The following ERO1B variants were observed in gnomAD, a reference collection of about 807,000 sequenced individuals.
ERO1B encodes the protein ERO1-like protein beta.
ERO1B carries 49 observed loss-of-function variants against 75.3 expected under a neutral mutation model. That is an observed-to-expected ratio of 0.65 (90% CI 0.52 to 0.83). ERO1B has a LOEUF of 0.83. Among genes scored for constraint, ERO1B ranks in the 40% least tolerant of loss-of-function variants. The pLI, the probability that ERO1B is intolerant of heterozygous loss-of-function variation, is 0.00. For missense variants in ERO1B, 512 were observed against 560.1 expected, an observed-to-expected ratio of 0.91 and a Z score of 0.87; for synonymous variants, 191 against 192.9, an observed-to-expected ratio of 0.99 and a Z score of 0.08.
Position 236,237,631 on chromosome 1 carries a change from C to T in ERO1B, c.506-1233G>A, listed in dbSNP as rs909045528. On this transcript the variant is annotated intron_variant, in intron 6 of 15. Coordinates refer to ENST00000354619, the MANE Select transcript of ERO1B (RefSeq NM_019891.4). ...ATTCCTTTATTTATATGCTTACTAC[C>T]GTTTGTTGTCATGAATTTAAACAAT... Among the ~76,000 whole-genome samples, 6 of 152,078 alleles carry T rather than the reference C, an allele frequency of 3.9e-5. No individual in the cohort carries two copies. The South Asian group carries it at 6.2e-4, about 16-fold the overall frequency.
chr1:236,242,402 T>C (rs753897014), intron 6 of ERO1B, among the ~76,000 whole-genome samples: 2 of 152,140 alleles, frequency 1.3e-5, no homozygotes, highest in Non-Finnish European at 2.9e-5. Context: ...CTCTATATCA[T>C]AGAGAGGACA....
At position 236,249,742 on chromosome 1, in the gene ERO1B, G is replaced by A. The variant is rs12405622; in HGVS notation, c.431+143C>T. Reference sequence around the variant, plus strand: ...AGAGGCAAAGCTATTATGAAATTTAGGATAAAGAAAAACTTTTTCTTCCTT... The same window carrying A: ...AGAGGCAAAGCTATTATGAAATTTAAGATAAAGAAAAACTTTTTCTTCCTT... On this transcript the variant is annotated intron_variant, in intron 5 of 15. Transcript: ENST00000354619. The A allele has an allele frequency of 7.2e-6, 4 of 557,378 alleles. No individual in the cohort carries two copies. The East Asian group carries it at 1.3e-4, about 18-fold the overall frequency. The allele number at this position is 557,378 out of a possible 1,614,324, so 34.5% of individuals were successfully genotyped here.
At chr1:236,239,925 C>A (rs1390012374) in intron 6 of ERO1B, among the ~76,000 whole-genome samples, 1 of 93,222 alleles carries the variant, frequency 1.1e-5, no homozygotes, top group Non-Finnish European at 2.1e-5. Flanking sequence ...TTTTTTTTTG[C>A]GATGAGGCTG....
intron 2 of ERO1B, among the ~76,000 whole-genome samples, chr1:236,268,704 G>GT (rs1420105156): frequency 2.0e-5 from 3 of 151,552 alleles, no homozygotes; most frequent in Admixed American, 6.6e-5. Flanking sequence ...GGCTAACATG[G>GT]TGAAACCCCG....
rs1308086430 is a variant in ERO1B, at chr1:236,215,996, A to G, written c.*2520T>C. 6.6e-6 allele frequency: 1 copy of G among 152,198 alleles called. No individual in the cohort carries two copies. The allele number at this position is 152,198 out of a possible 1,614,324, so 9.4% of individuals were successfully genotyped here. A position where few individuals can be genotyped will look rare whatever the true frequency, so the allele number is the denominator to read the frequency against. ...AAAACGTTTTGACTTATCAAATTTCAAAAGTGTGGAGTCTTATTCTGTCTG... is the reference window on the plus strand; with the variant it reads ...AAAACGTTTTGACTTATCAAATTTCGAAAGTGTGGAGTCTTATTCTGTCTG... On this transcript the variant is annotated 3_prime_UTR_variant, in exon 16 of 16. Coordinates refer to ENST00000354619, the MANE Select transcript of ERO1B (RefSeq NM_019891.4).
At chr1:236,275,873 C>G (rs1324475419) in intron 1 of ERO1B, among the ~76,000 whole-genome samples, 1 of 152,066 alleles carries the variant, frequency 6.6e-6, no homozygotes, top group Admixed American at 6.5e-5. Context: ...AGACAGGAAG[C>G]CAATGGGGAG....
At chr1:236,274,804 AG>A (rs1323040541) in intron 1 of ERO1B, among the ~76,000 whole-genome samples, 2 of 152,304 alleles carry the variant, frequency 1.3e-5, no homozygotes, top group African/African-American at 4.8e-5. Context: ...CATAGGGAAA[AG>A]GGGGTGCAAA....
chr1:236,258,743 G>T (rs1665224744), intron 2 of ERO1B, among the ~76,000 whole-genome samples: 1 of 152,070 alleles, frequency 6.6e-6, no homozygotes, highest in African/African-American at 2.4e-5. Flanking sequence ...ACAAAAATTA[G>T]CTGGGTGTGC....
At chr1:236,260,124 G>C (rs1245309336) in intron 2 of ERO1B, among the ~76,000 whole-genome samples, 1 of 151,826 alleles carries the variant, frequency 6.6e-6, no homozygotes, top group Non-Finnish European at 1.5e-5. Flanking sequence ...CCTTTAGCTA[G>C]ATTAACAAAG....
chr1:236,235,484 C>T (rs1204455985), intron 8 of ERO1B, among the ~76,000 whole-genome samples: 1 of 152,164 alleles, frequency 6.6e-6, no homozygotes, highest in African/African-American at 2.4e-5. Flanking sequence ...CCTGAGCAAC[C>T]AGATTTTTTA....
At chr1:236,266,087 GTTT>G (rs1375000043) in intron 2 of ERO1B, among the ~76,000 whole-genome samples, 1 of 151,996 alleles carries the variant, frequency 6.6e-6, no homozygotes, top group East Asian at 1.9e-4. Flanking sequence ...CTTGTTTATT[GTTT>G]GTCTCTCTTA....
intron 2 of ERO1B, among the ~76,000 whole-genome samples, chr1:236,266,420 A>G (rs1464603220): frequency 1.3e-5 from 2 of 152,198 alleles, no homozygotes; most frequent in Non-Finnish European, 2.9e-5. Flanking sequence ...CCTGGCCAAC[A>G]TGGTGAAACC....
At position 236,216,734 on chromosome 1, in the gene ERO1B, G is replaced by C. The variant is rs1262857393; in HGVS notation, c.*1782C>G. 6.6e-6 allele frequency: 1 copy of C among 152,000 alleles called. No individual in the cohort carries two copies. The highest frequency in any genetic ancestry group is 1.5e-5 in the Non-Finnish European group (1 of 67,936). 9.4% of individuals were successfully genotyped at this position (152,000 alleles called of 1,614,324 possible). ...ACTATCAAAAAGTTCTTTACATTTA[G>C]AGTGATAAACAAAGTGCAGATTTTT... On this transcript the variant is annotated 3_prime_UTR_variant, in exon 16 of 16. Coordinates refer to ENST00000354619, the MANE Select transcript of ERO1B (RefSeq NM_019891.4).
chr1:236,281,601 C>CCGGCCCTCT (rs1665831764), intron 1 of ERO1B, 81 bp downstream of exon 1: 15 of 1,080,200 alleles, frequency 1.4e-5, no homozygotes, highest in African/African-American at 3.3e-5. Context: ...CCCGGCCCTC[C>CCGGCCCTCT]CCGCGTCACA....
intron 13 of ERO1B, 138 bp downstream of exon 13, chr1:236,224,932 C>T: frequency 1.3e-6 from 1 of 745,182 alleles, no homozygotes; most frequent in Non-Finnish European, 2.3e-6. Context: ...GCTTTTTGTA[C>T]CATTTGTATT....
Position 236,225,076 on chromosome 1 carries a change from T to C in ERO1B, c.1116A>G (p.Ser372=). 1 of 1,614,050 alleles carries C rather than the reference T, an allele frequency of 6.2e-7. No homozygotes were observed. Among genetic ancestry groups the C allele is most frequent in the Non-Finnish European group, 8.5e-7 (1 of 1,179,914 alleles). The change falls in exon 13 of 16, where the codon TCA becomes TCG. Residue 372 remains serine (S), a synonymous_variant. Transcript: ENST00000354619. ...CCAATCGAGAACTTTTTACCTTTAG[T>C]GACTTGGCCCCTTTTTTGTCACCTG... ...MFAGDKKGAK[S]LKEEFRLHFK...
chr1:236,264,735 T>G (rs552243282), intron 2 of ERO1B, among the ~76,000 whole-genome samples: 1 of 152,218 alleles, frequency 6.6e-6, no homozygotes, highest in African/African-American at 2.4e-5. Context: ...TCCCAGCTAC[T>G]TGGGAGCCCT....
chr1:236,253,573 G>T, intron 2 of ERO1B, 68 bp from the exon 3 acceptor site: 1 of 989,034 alleles, frequency 1.0e-6, no homozygotes, highest in Non-Finnish European at 1.6e-6. Flanking sequence ...GTGTCATTGT[G>T]TTGGGCACCA....
chr1:236,275,161 G>C (rs1312576751), intron 1 of ERO1B, among the ~76,000 whole-genome samples: 1 of 152,190 alleles, frequency 6.6e-6, no homozygotes, highest in Non-Finnish European at 1.5e-5. Flanking sequence ...CCAACTCTGA[G>C]ACCAACTGGG....
Sources: allele counts gnomAD v4.1 joint callset (sites outside exome capture counted in the v4.1 genomes callset), GRCh38; gene constraint gnomAD v4.1.1; transcripts MANE v1.5; gene names NCBI Gene and HGNC (gene_info 2026-07-23, HGNC 2026-07-21).